Variants in DDX27 observed in about 807,000 individuals in gnomAD.
The protein encoded by DDX27 is DEAD-box helicase 27, also known as probable ATP-dependent RNA helicase DDX27.
In DDX27, 42 loss-of-function variants were observed where a neutral mutation model predicts 99.3. The ratio of observed to expected loss-of-function variants is 0.42; its 90% CI spans 0.33 to 0.55. The LOEUF (loss-of-function observed/expected upper bound fraction) is 0.55, where lower values mean the gene tolerates loss of function less well. DDX27 is among the 20% of genes least tolerant of loss of function. The pLI is 0.07. For missense variants in DDX27, 798 were observed against 976.8 expected (o/e 0.82, Z 2.44); for synonymous variants, 329 against 353.8 (o/e 0.93, Z 0.79).
rs367652080 is a variant in DDX27 at position 49,222,936 on chromosome 20, C to T, written c.241-21C>T. 5 of 1,578,194 alleles carry T rather than the reference C, an allele frequency of 3.2e-6. No individual in the cohort carries two copies. In the African/African-American group the frequency reaches 5.5e-5, roughly 17 times the overall value. On this transcript the variant is annotated intron_variant, in intron 2 of 20. Coordinates refer to ENST00000618172, the MANE Select transcript of DDX27 (RefSeq NM_017895.8). ...TGTTTCAATGAAAATTTCTTTTTCA[C>T]CTCTTTATTTTTATCTGCAGAGGGC...
At position 49,219,514 on chromosome 20, in the gene DDX27, G is replaced by C. The variant is rs747588127; in HGVS notation, c.66G>C (p.Glu22Asp). ...GEDDEVPVEP[E>D]SDSGDEEEEG... ...ATGACGAGGTGCCGGTGGAGCCCGA[G>C]TCTGACTCCGGGGACGAGGAAGAGG... Residue 22 changes from glutamate to aspartate, a missense_variant, in exon 1 of 21, where the codon GAG becomes GAC. Physicochemically the swap from Glu to Asp is conservative, Grantham distance 45 (BLOSUM62 2). Transcript: ENST00000618172. The C allele has an allele frequency of 6.2e-7, 1 of 1,613,938 alleles. No individual in the cohort carries two copies. Among genetic ancestry groups the C allele is most frequent in the Admixed American group, 1.7e-5 (1 of 59,982 alleles).
In DDX27 at chr20:49,237,376, T is replaced by TA. The variant is rs10709002; in HGVS notation, c.1687+875dup. 3.3e-5 allele frequency among the ~76,000 whole-genome samples: 5 copies of TA among 152,076 alleles called. No homozygotes were observed. The East Asian group carries it at 5.8e-4, about 18-fold the overall frequency. On this transcript the variant is annotated intron_variant, in intron 14 of 20. Coordinates refer to ENST00000618172, the MANE Select transcript of DDX27 (RefSeq NM_017895.8). ...GTATTTATTGTTGGAAATTAGTAAA[T>TA]AAAAAAAAATGTAATTCTGTGTCAA...
At chr20:49,233,536 G>T in intron 10 of DDX27, 32 bp from the exon 11 acceptor site, 1 of 1,607,734 alleles carries the variant, frequency 6.2e-7, no homozygotes, top group South Asian at 1.1e-5. Context: ...ACCTTGCAGA[G>T]AGCTGAGGAA....
chr20:49,233,818 C>T (rs1980211673), intron 11 of DDX27, 109 bp downstream of exon 11: 3 of 1,294,510 alleles, frequency 2.3e-6, no homozygotes, highest in Admixed American at 2.0e-5. Flanking sequence ...GTCCAGTCTT[C>T]CCCAGCGCAG....
At chr20:49,219,579 G>A in intron 1 of DDX27, 38 bp downstream of exon 1, 1 of 1,556,282 alleles carries the variant, frequency 6.4e-7, no homozygotes, top group Non-Finnish European at 8.7e-7. Context: ...TTCCTTGACT[G>A]CTTCCCTTCC....
At chr20:49,238,603 G>T in intron 14 of DDX27, 1 of 250,308 alleles carries the variant, frequency 4.0e-6, no homozygotes, top group South Asian at 5.1e-5. Context: ...TAGTAGCTGG[G>T]ATTACAGGCG....
chr20:49,233,160 T>C, intron 9 of DDX27, 146 bp from the exon 10 acceptor site: 1 of 631,482 alleles, frequency 1.6e-6, no homozygotes, highest in South Asian at 2.0e-5. Flanking sequence ...AAAATGATAA[T>C]TCTTGGTGAA....
chr20:49,238,831 A>C (rs1980385753), intron 14 of DDX27, 118 bp from the exon 15 acceptor site: 1 of 662,168 alleles, frequency 1.5e-6, no homozygotes, highest in Non-Finnish European at 2.5e-6. Flanking sequence ...GCTGGCCTCA[A>C]ATTCCTGGGC....
intron 8 of DDX27, among the ~76,000 whole-genome samples, chr20:49,229,313 A>G (rs926532940): frequency 6.6e-6 from 1 of 152,114 alleles, no homozygotes; most frequent in Non-Finnish European, 1.5e-5. Flanking sequence ...TACAGGCATG[A>G]GCCACCGCAC....
intron 16 of DDX27, 87 bp from the exon 17 acceptor site, chr20:49,241,805 CT>C (rs1268158086): frequency 2.8e-6 from 4 of 1,413,692 alleles, no homozygotes; most frequent in Non-Finnish European, 4.0e-6. Flanking sequence ...AATCTGCTAA[CT>C]TACCAATTGA....
intron 2 of DDX27, among the ~76,000 whole-genome samples, 176 bp from the exon 3 acceptor site, chr20:49,222,781 G>A (rs1979736430): frequency 6.6e-6 from 1 of 152,058 alleles, no homozygotes; most frequent in African/African-American, 2.4e-5. Flanking sequence ...CCAAAGTGCT[G>A]GGATTACAGG....
At chr20:49,237,395 G>C (rs1189456707) in intron 14 of DDX27, among the ~76,000 whole-genome samples, 1 of 152,180 alleles carries the variant, frequency 6.6e-6, no homozygotes, top group East Asian at 1.9e-4. Flanking sequence ...ATGTAATTCT[G>C]TGTCAAAGAG....
At chr20:49,219,647 G>C in intron 1 of DDX27, 106 bp downstream of exon 1, 1 of 1,256,852 alleles carries the variant, frequency 8.0e-7, no homozygotes, top group Non-Finnish European at 1.1e-6. Context: ...AGCCCCGGAA[G>C]TTTCCCGAAA....
Position 49,228,853 on chromosome 20 carries a change from C to T in DDX27, c.845C>T (p.Ala282Val). The change falls in exon 8 of 21, where the codon GCC (alanine) becomes GTC (valine). Residue 282 changes from alanine (A) to valine (V), a missense_variant. Transcript: ENST00000618172. ...GTGCACTCTGTCACCAGACAGCTGGCCCAGTTCTGCAACATCACCACCTGC... is the reference window on the plus strand; with the variant it reads ...GTGCACTCTGTCACCAGACAGCTGGTCCAGTTCTGCAACATCACCACCTGC... Reference protein sequence around the residue: ...IQVHSVTRQLAQFCNITTCLA... With the variant: ...IQVHSVTRQLVQFCNITTCLA... 1 of 1,607,276 alleles carries T rather than the reference C, an allele frequency of 6.2e-7. No homozygotes were observed. The highest frequency in any genetic ancestry group is 8.5e-7 in the Non-Finnish European group (1 of 1,175,246).
chr20:49,231,362 CCCCAGAACAGAAGA>C (rs1327822207), intron 9 of DDX27, among the ~76,000 whole-genome samples: 1 of 152,108 alleles, frequency 6.6e-6, no homozygotes, highest in Non-Finnish European at 1.5e-5. Context: ...TGGCTGACTC[CCCCAGAACAGAAGA>C]CCCATTCCTG....
chr20:49,224,618 C>T (rs1222138636), intron 4 of DDX27, among the ~76,000 whole-genome samples: 1 of 152,170 alleles, frequency 6.6e-6, no homozygotes. Context: ...CTGCCTCGGC[C>T]TCCTAAAGTG....
chr20:49,225,520 A>G (rs1478769957), intron 6 of DDX27, among the ~76,000 whole-genome samples: 1 of 148,706 alleles, frequency 6.7e-6, no homozygotes, highest in African/African-American at 2.5e-5. Flanking sequence ...CAGTGGCACA[A>G]TCTCGGCTCA....
chr20:49,227,189 C>G (rs1362349168), intron 7 of DDX27, among the ~76,000 whole-genome samples: 1 of 152,018 alleles, frequency 6.6e-6, no homozygotes, highest in Non-Finnish European at 1.5e-5. Context: ...AAATTTTTAA[C>G]CACTTTATTT....
intron 7 of DDX27, among the ~76,000 whole-genome samples, chr20:49,227,758 G>A (rs117889762): frequency 0.015 from 2,313 of 152,150 alleles, 60 homozygotes; most frequent in South Asian, 0.069. Flanking sequence ...TCTGATGAAG[G>A]TCATTTTCAT....
Sources: allele counts gnomAD v4.1 joint callset (sites outside exome capture counted in the v4.1 genomes callset), GRCh38; gene constraint gnomAD v4.1.1; transcripts MANE v1.5; gene names NCBI Gene and HGNC (gene_info 2026-07-23, HGNC 2026-07-21).